Variants in APP observed in about 807,000 individuals in gnomAD.
APP encodes amyloid beta precursor protein, also known as amyloid-beta precursor protein.
A neutral mutation model predicts 101.4 loss-of-function variants in APP; 31 were observed. The observed-to-expected ratio is 0.31, with a 90% CI of 0.23 to 0.41. The LOEUF (loss-of-function observed/expected upper bound fraction) is 0.41. APP is among the 10% of genes least tolerant of loss of function. APP has a pLI of 1.00. For synonymous variants in APP, 366 were observed against 364.4 expected, an observed-to-expected ratio of 1.00 and a Z score of -0.05; for missense variants, 839 against 1,003.7, an observed-to-expected ratio of 0.84 and a Z score of 2.22.
intron 2 of APP, among the ~76,000 whole-genome samples, chr21:26,102,175 A>G (rs1425001474): frequency 3.4e-4 from 42 of 124,578 alleles, no homozygotes; most frequent in African/African-American, 1.3e-3. Flanking sequence ...CGCAAGCTCC[A>G]CCTCCCGGGT....
At chr21:26,038,411 A>G (rs1275418307) in intron 5 of APP, among the ~76,000 whole-genome samples, 2 of 152,152 alleles carry the variant, frequency 1.3e-5, no homozygotes, top group Non-Finnish European at 2.9e-5. Context: ...TTGAGCCCCA[A>G]GGAGAGTCTT....
chr21:26,149,331 T>C (rs1272134893), intron 1 of APP, among the ~76,000 whole-genome samples: 2 of 152,180 alleles, frequency 1.3e-5, no homozygotes, highest in African/African-American at 2.4e-5. Context: ...AGTAGGTACC[T>C]CACAGGCTGC....
chr21:26,156,824 T>C lies in APP; in HGVS notation c.57+13740A>G, dbSNP rs557664248. ...TTTAATTTTCAAATTCTAATATAATTAAAATTTTCAAACTTAACTATATGG... is the reference window on the plus strand; with the variant it reads ...TTTAATTTTCAAATTCTAATATAATCAAAATTTTCAAACTTAACTATATGG... On this transcript the variant is annotated intron_variant, in intron 1 of 17. Transcript: ENST00000346798. Among the ~76,000 whole-genome samples, 5 of 151,150 alleles carry C rather than the reference T, an allele frequency of 3.3e-5. No individual in the cohort carries two copies. In the South Asian group the frequency reaches 6.4e-4, roughly 19 times the overall value.
At chr21:25,965,236 G>T (rs150865943) in intron 11 of APP, among the ~76,000 whole-genome samples, 53 of 152,288 alleles carry the variant, frequency 3.5e-4, no homozygotes, top group African/African-American at 1.2e-3. Context: ...AAGGCAAAGC[G>T]CACAGTGTTG....
intron 13 of APP, among the ~76,000 whole-genome samples, chr21:25,937,294 G>C (rs1194574451): frequency 6.6e-6 from 1 of 152,190 alleles, no homozygotes; most frequent in Non-Finnish European, 1.5e-5. Flanking sequence ...TTGCTCTGCT[G>C]TATAACCTGC....
chr21:26,027,898 A>G (rs1372353913), intron 5 of APP, among the ~76,000 whole-genome samples: 2 of 152,276 alleles, frequency 1.3e-5, no homozygotes, highest in African/African-American at 4.8e-5. Context: ...TGGACTACCA[A>G]AAATTCATGA....
chr21:26,070,965 T>C (rs1052704035), intron 3 of APP, among the ~76,000 whole-genome samples: 1 of 152,210 alleles, frequency 6.6e-6, no homozygotes, highest in Non-Finnish European at 1.5e-5. Flanking sequence ...TTTGCTACTT[T>C]TCTGCTTGAC....
intron 1 of APP, among the ~76,000 whole-genome samples, chr21:26,136,193 GAAAGAAAGAAAAGA>G (rs1211137465): frequency 1.1e-5 from 1 of 92,052 alleles, no homozygotes; most frequent in Non-Finnish European, 1.9e-5. Context: ...AAGAAAGAAA[GAAAGAAAGAAAAGA>G]AAAGAAAGAA....
intron 17 of APP, among the ~76,000 whole-genome samples, chr21:25,888,189 T>C (rs954347220): frequency 2.0e-5 from 3 of 152,194 alleles, no homozygotes; most frequent in East Asian, 3.8e-4. Flanking sequence ...TTAATGAAGG[T>C]TAGCCAGAGC....
intron 11 of APP, among the ~76,000 whole-genome samples, chr21:25,960,979 C>A (rs1000037661): frequency 1.3e-5 from 2 of 152,134 alleles, no homozygotes; most frequent in Non-Finnish European, 1.5e-5. Context: ...CTCTATCCCT[C>A]AGAAACAAAT....
intron 13 of APP, among the ~76,000 whole-genome samples, chr21:25,932,433 G>A (rs754932812): frequency 6.6e-6 from 1 of 151,962 alleles, no homozygotes; most frequent in Admixed American, 6.6e-5. Flanking sequence ...TTTCCCACCC[G>A]GCCACTCACT....
At chr21:26,038,141 T>G (rs1482834683) in intron 5 of APP, among the ~76,000 whole-genome samples, 3 of 152,144 alleles carry the variant, frequency 2.0e-5, no homozygotes, top group Admixed American at 6.5e-5. Context: ...ACATCATACT[T>G]TCTAGTCCTT....
intron 1 of APP, among the ~76,000 whole-genome samples, chr21:26,145,786 T>C (rs116002571): frequency 0.013 from 1,938 of 152,326 alleles, 36 homozygotes; most frequent in African/African-American, 0.043. Context: ...TATAAATTAC[T>C]GTTTAATCTG....
chr21:25,945,608 G>C (rs1347731460), intron 13 of APP: 1 of 230,560 alleles, frequency 4.3e-6, no homozygotes, highest in African/African-American at 2.4e-5. Context: ...TCAAAGAAAA[G>C]AACTAAGAAT....
At chr21:26,116,472 C>T (rs2062437410) in intron 1 of APP, among the ~76,000 whole-genome samples, 1 of 152,208 alleles carries the variant, frequency 6.6e-6, no homozygotes, top group African/African-American at 2.4e-5. Context: ...CTACAATTTT[C>T]AATTAAATGC....
chr21:26,137,117 T>C (rs1569020370), intron 1 of APP, among the ~76,000 whole-genome samples: 1 of 152,184 alleles, frequency 6.6e-6, no homozygotes, highest in Non-Finnish European at 1.5e-5. Flanking sequence ...ATTTTTCCTA[T>C]TTTCAGTAGA....
chr21:26,011,907 A>C (rs1238795961), intron 6 of APP, among the ~76,000 whole-genome samples: 1 of 152,216 alleles, frequency 6.6e-6, no homozygotes, highest in Non-Finnish European at 1.5e-5. Flanking sequence ...AACATATATA[A>C]ATTTAAGAAA....
intron 5 of APP, among the ~76,000 whole-genome samples, chr21:26,039,839 T>C (rs2045291554): frequency 6.6e-6 from 1 of 152,022 alleles, no homozygotes; most frequent in Non-Finnish European, 1.5e-5. Flanking sequence ...TATATAAATA[T>C]ATAAAATGAA....
At chr21:26,125,958 C>A (rs981889530) in intron 1 of APP, among the ~76,000 whole-genome samples, 1 of 152,230 alleles carries the variant, frequency 6.6e-6, no homozygotes. Context: ...ATTCCTTACC[C>A]CCGACGGATG....
Sources: allele counts gnomAD v4.1 joint callset (sites outside exome capture counted in the v4.1 genomes callset), GRCh38; gene constraint gnomAD v4.1.1; transcripts MANE v1.5; gene names NCBI Gene and HGNC (gene_info 2026-07-23, HGNC 2026-07-21).